Variants in RPAP2 observed in about 807,000 individuals in gnomAD.
RPAP2 encodes putative RNA polymerase II subunit B1 CTD phosphatase RPAP2.
A neutral mutation model predicts 73.1 loss-of-function variants in RPAP2; 52 were observed. That is an observed-to-expected ratio of 0.71 (90% CI 0.57 to 0.90). The LOEUF (loss-of-function observed/expected upper bound fraction) is 0.90, where lower values mean the gene tolerates loss of function less well. Among genes scored for constraint, RPAP2 ranks in the 40% least tolerant of loss-of-function variants. RPAP2 has a pLI of 0.00. For missense variants in RPAP2, 598 were observed against 701.8 expected, an observed-to-expected ratio of 0.85 and a Z score of 1.67; for synonymous variants, 225 against 242.1, an observed-to-expected ratio of 0.93 and a Z score of 0.65.
chr1:92,302,590 ATTTTTTTTTTT>A (rs36067595), intron 3 of RPAP2, among the ~76,000 whole-genome samples: 31 of 74,316 alleles, frequency 4.2e-4, no homozygotes, highest in South Asian at 1.3e-3. Context: ...TCCGCATTAA[ATTTTTTTTTTT>A]TTTTTTTTTT....
chr1:92,361,489 A>T (rs1654731986), intron 11 of RPAP2, among the ~76,000 whole-genome samples: 1 of 152,138 alleles, frequency 6.6e-6, no homozygotes, highest in African/African-American at 2.4e-5. Flanking sequence ...GTAAAATTGC[A>T]TTGCACGTGA....
At chr1:92,363,644 T>C in intron 11 of RPAP2, 1 of 258,802 alleles carries the variant, frequency 3.9e-6, no homozygotes, top group Non-Finnish European at 7.7e-6. Flanking sequence ...ATGCGGATAT[T>C]TTTCCACCTC....
chr1:92,313,341 T>C lies in RPAP2; in HGVS notation c.488+6065T>C, dbSNP rs148637222. Among the ~76,000 whole-genome samples the C allele has an allele frequency of 4.4e-3, 668 of 152,334 alleles. 3 individuals carry two copies. The highest frequency in any genetic ancestry group is 0.017 in the Middle Eastern group (5 of 294). Reference sequence around the variant, plus strand: ...GACCCATGGGCTGCAGAATGGATATTGTGTTAGCAGGCATGAAAACAACAC... The same window carrying C: ...GACCCATGGGCTGCAGAATGGATATCGTGTTAGCAGGCATGAAAACAACAC... On this transcript the variant is annotated intron_variant, in intron 6 of 12. Transcript: ENST00000610020.
intron 6 of RPAP2, among the ~76,000 whole-genome samples, chr1:92,308,060 G>T (rs1041112366): frequency 6.6e-6 from 1 of 151,824 alleles, no homozygotes; most frequent in Non-Finnish European, 1.5e-5. Context: ...ATGCAGGTTA[G>T]CTAAAAAGCT....
At chr1:92,361,131 A>G (rs1654714886) in intron 11 of RPAP2, among the ~76,000 whole-genome samples, 2 of 150,696 alleles carry the variant, frequency 1.3e-5, no homozygotes, top group African/African-American at 4.9e-5. Context: ...ATATATATAT[A>G]CACACACATA....
intron 2 of RPAP2, 26 bp from the exon 3 acceptor site, chr1:92,301,450 G>C: frequency 6.5e-6 from 8 of 1,236,270 alleles, no homozygotes; most frequent in Non-Finnish European, 9.4e-6. Flanking sequence ...CTTTTAAGTA[G>C]ATTAAGTTTC....
chr1:92,378,091 G>A (rs1296084207), intron 11 of RPAP2, among the ~76,000 whole-genome samples: 2 of 152,176 alleles, frequency 1.3e-5, no homozygotes, highest in Non-Finnish European at 2.9e-5. Context: ...AGAAGGAATT[G>A]AGAAAACCTT....
Position 92,393,165 on chromosome 1 carries a change from G to T in RPAP2, c.*6154G>T, listed in dbSNP as rs1450020198. The T allele has an allele frequency of 6.6e-6, 1 of 152,146 alleles. No individual in the cohort carries two copies. The highest frequency in any genetic ancestry group is 1.5e-5 in the Non-Finnish European group (1 of 68,024). The allele number at this position is 152,146 out of a possible 1,614,324, so 9.4% of individuals were successfully genotyped here. A position where few individuals can be genotyped will look rare whatever the true frequency, so the allele number is the denominator to read the frequency against. ...CGAATGGAACAGAATGGAGGCCTCAGAAATAACACCACACGTCTACCACCA... is the reference window on the plus strand; with the variant it reads ...CGAATGGAACAGAATGGAGGCCTCATAAATAACACCACACGTCTACCACCA... On this transcript the variant is annotated 3_prime_UTR_variant, in exon 13 of 13. Transcript: ENST00000610020.
At chr1:92,382,715 A>T (rs1197833833) in intron 12 of RPAP2, among the ~76,000 whole-genome samples, 3 of 152,136 alleles carry the variant, frequency 2.0e-5, no homozygotes, top group African/African-American at 7.2e-5. Context: ...CCCATTCTGT[A>T]GGTTGCCTGT....
At position 92,379,998 on chromosome 1, in the gene RPAP2, G is replaced by A. The variant is rs538956336; in HGVS notation, c.1689-726G>A. ...ATGTTGACCAGGCATGGTGGCTCACGCCTGTAATCCTAACACTTTGGGAGG... is the reference window on the plus strand; with the variant it reads ...ATGTTGACCAGGCATGGTGGCTCACACCTGTAATCCTAACACTTTGGGAGG... On this transcript the variant is annotated intron_variant, in intron 11 of 12. Coordinates refer to ENST00000610020, the MANE Select transcript of RPAP2 (RefSeq NM_024813.3). Among the ~76,000 whole-genome samples, 5 of 151,060 alleles carry A rather than the reference G, an allele frequency of 3.3e-5. No individual in the cohort carries two copies. In the South Asian group the frequency reaches 8.4e-4, roughly 25 times the overall value.
At chr1:92,367,252 C>T (rs2101407386) in intron 11 of RPAP2, among the ~76,000 whole-genome samples, 1 of 152,318 alleles carries the variant, frequency 6.6e-6, no homozygotes, top group South Asian at 2.1e-4. Flanking sequence ...ACCGTATAGC[C>T]TCCTAAAATA....
chr1:92,313,036 T>C (rs2101134890), intron 6 of RPAP2, among the ~76,000 whole-genome samples: 1 of 152,286 alleles, frequency 6.6e-6, no homozygotes, highest in South Asian at 2.1e-4. Context: ...CGGCTTATTT[T>C]TGTATTTTTA....
chr1:92,318,673 C>G (rs917061572), intron 6 of RPAP2, among the ~76,000 whole-genome samples: 1 of 152,112 alleles, frequency 6.6e-6, no homozygotes, highest in African/African-American at 2.4e-5. Flanking sequence ...GATAAAGTAC[C>G]CTCCTTTATC....
intron 11 of RPAP2, among the ~76,000 whole-genome samples, chr1:92,350,565 T>C (rs1654149963): frequency 6.6e-6 from 1 of 152,224 alleles, no homozygotes; most frequent in Non-Finnish European, 1.5e-5. Context: ...CTTAACTAAA[T>C]ATGCCCTATT....
chr1:92,300,663 A>G (rs1278576790), intron 2 of RPAP2, among the ~76,000 whole-genome samples: 1 of 152,266 alleles, frequency 6.6e-6, no homozygotes, highest in Non-Finnish European at 1.5e-5. Flanking sequence ...ATATTACCAC[A>G]TATCACACAG....
intron 3 of RPAP2, among the ~76,000 whole-genome samples, chr1:92,303,269 C>T (rs904641271): frequency 6.6e-6 from 1 of 152,114 alleles, no homozygotes; most frequent in Non-Finnish European, 1.5e-5. Flanking sequence ...TATTTGATGA[C>T]ACCAGAAAAG....
At chr1:92,373,739 TAAAAAAAAA>T (rs59586077) in intron 11 of RPAP2, among the ~76,000 whole-genome samples, 10 of 80,538 alleles carry the variant, frequency 1.2e-4, no homozygotes, top group Admixed American at 5.3e-4. Context: ...CTACTAAAAA[TAAAAAAAAA>T]AAAAAAAAAA....
chr1:92,310,686 C>T (rs1286618731), intron 6 of RPAP2, among the ~76,000 whole-genome samples: 1 of 152,100 alleles, frequency 6.6e-6, no homozygotes, highest in Non-Finnish European at 1.5e-5. Flanking sequence ...CACCTGAGGT[C>T]AGGAGTTCAA....
At position 92,299,158 on chromosome 1, in the gene RPAP2, G is replaced by C. The variant is rs1650580421; in HGVS notation, c.73+12G>C. 1.3e-6 allele frequency: 2 copies of C among 1,486,838 alleles called. No homozygotes were observed. The highest frequency in any genetic ancestry group is 2.9e-5 in the African/African-American group (2 of 69,956). 92.1% of individuals were successfully genotyped at this position (1,486,838 alleles called of 1,614,324 possible). On this transcript the variant is annotated intron_variant, in intron 1 of 12. Coordinates refer to ENST00000610020, the MANE Select transcript of RPAP2 (RefSeq NM_024813.3). ...TCGAAAAGCCGCAGGTAGGAGCAAGGATCTCTTCCCACTTTTGGACCCTGA... is the reference window on the plus strand; with the variant it reads ...TCGAAAAGCCGCAGGTAGGAGCAAGCATCTCTTCCCACTTTTGGACCCTGA...
Sources: gnomAD v4.1 joint callset for allele counts (sites outside exome capture counted in the v4.1 genomes callset) on GRCh38, gnomAD v4.1.1 for gene constraint, MANE v1.5 for transcripts, NCBI Gene and HGNC (gene_info 2026-07-23, HGNC 2026-07-21) for gene names.